BNC2: variants seen among roughly 807,000 people sequenced by gnomAD.
The protein encoded by BNC2 is basonuclin zinc finger protein 2, also known as zinc finger protein basonuclin-2.
In BNC2, 20 loss-of-function variants were observed where a neutral mutation model predicts 76.3. The observed-to-expected ratio is 0.26, with a 90% CI of 0.18 to 0.38. The LOEUF (loss-of-function observed/expected upper bound fraction) is 0.38. Ranked by LOEUF, BNC2 falls within the 10% of genes least tolerant of loss-of-function variation. The pLI is 1.00. For synonymous variants in BNC2, 582 were observed against 514.8 expected (o/e 1.13, Z -1.77); for missense variants, 1,382 against 1,399.8 (o/e 0.99, Z 0.20).
chr9:16,571,520 C>A (rs1819323191), intron 4 of BNC2, among the ~76,000 whole-genome samples: 1 of 152,108 alleles, frequency 6.6e-6, no homozygotes, highest in South Asian at 2.1e-4. Flanking sequence ...TTGCTGCCTG[C>A]AGTTTTTTTC....
chr9:16,676,360 C>CA (rs1822642736), intron 3 of BNC2, among the ~76,000 whole-genome samples: 6 of 152,196 alleles, frequency 3.9e-5, no homozygotes, highest in Admixed American at 3.9e-4. Context: ...CACCCAAACA[C>CA]AAACGCGTAA....
chr9:16,667,963 G>T (rs1028543208), intron 3 of BNC2, among the ~76,000 whole-genome samples: 2 of 152,112 alleles, frequency 1.3e-5, no homozygotes, highest in Admixed American at 6.5e-5. Context: ...TGTCCTCTGT[G>T]ATTCCATGGC....
intron 1 of BNC2, among the ~76,000 whole-genome samples, chr9:16,788,523 A>AG (rs1826372464): frequency 7.1e-6 from 1 of 141,602 alleles, no homozygotes; most frequent in African/African-American, 2.7e-5. Flanking sequence ...ACTGCACTCC[A>AG]CCCTGGGCGA....
At chr9:16,443,064 CAAAAAAA>C (rs908689709) in intron 5 of BNC2, among the ~76,000 whole-genome samples, 34 of 63,672 alleles carry the variant, frequency 5.3e-4, no homozygotes, top group Admixed American at 1.3e-3. Context: ...GAGACTCTGT[CAAAAAAA>C]AAAAAAAAAA....
At chr9:16,512,044 G>A (rs10962468) in intron 5 of BNC2, among the ~76,000 whole-genome samples, 9,683 of 152,136 alleles carry the variant, frequency 0.064, 495 homozygotes, top group East Asian at 0.27. Context: ...TGAATCAAGC[G>A]ATTAATCTAT....
chr9:16,564,384 A>C (rs1309352836), intron 4 of BNC2, among the ~76,000 whole-genome samples: 1 of 152,184 alleles, frequency 6.6e-6, no homozygotes, highest in Non-Finnish European at 1.5e-5. Context: ...TAGGAGGAAA[A>C]ACAGATGCTT....
At chr9:16,855,713 A>G (rs1819237765) in intron 1 of BNC2, among the ~76,000 whole-genome samples, 1 of 136,396 alleles carries the variant, frequency 7.3e-6, no homozygotes, top group Admixed American at 7.5e-5. Flanking sequence ...GATTTCTTGT[A>G]TTTTTTTTTT....
At chr9:16,557,873 T>G (rs559560966) in intron 4 of BNC2, among the ~76,000 whole-genome samples, 113 of 152,080 alleles carry the variant, frequency 7.4e-4, no homozygotes, top group African/African-American at 2.5e-3. Context: ...TTGTTTGTTT[T>G]TTTTTGAGAC....
At chr9:16,734,511 C>T (rs1409474843) in intron 2 of BNC2, among the ~76,000 whole-genome samples, 1 of 152,122 alleles carries the variant, frequency 6.6e-6, no homozygotes, top group Non-Finnish European at 1.5e-5. Flanking sequence ...TCTACCTTCT[C>T]CAGATGGTTC....
In BNC2 at chr9:16,737,238, CTTTT is replaced by C. The variant is rs559930240; in HGVS notation, c.129+1118_129+1121del. ...TCCCACCTCAGCCACCACACCTGGC[CTTTT>C]TTTTTTTTTTTTTTTTTTTTCTTTT... On this transcript the variant is annotated intron_variant, in intron 2 of 6. Transcript: ENST00000380672. 6.0e-3 allele frequency among the ~76,000 whole-genome samples: 550 copies of C among 91,340 alleles called. 1 individual carries two copies. Among genetic ancestry groups the C allele is most frequent in the East Asian group, 0.014 (39 of 2,822 alleles). The allele number at this position is 91,340 out of a possible 152,430, so 59.9% of individuals were successfully genotyped here. A position where few individuals can be genotyped will look rare whatever the true frequency, so the allele number is the denominator to read the frequency against.
intron 4 of BNC2, among the ~76,000 whole-genome samples, chr9:16,567,367 T>C (rs543163181): frequency 6.3e-4 from 96 of 152,320 alleles, no homozygotes; most frequent in African/African-American, 2.1e-3. Context: ...AACAAAGTAA[T>C]GTCCTTTATA....
intron 4 of BNC2, among the ~76,000 whole-genome samples, chr9:16,555,531 TCACACCTGTAATCCCAGC>T (rs1818803030): frequency 1.3e-5 from 2 of 152,138 alleles, no homozygotes; most frequent in African/African-American, 4.8e-5. Flanking sequence ...GCAAGGTGGC[TCACACCTGTAATCCCAGC>T]ACTTTGGGAG....
At chr9:16,546,931 A>G (rs932510164) in intron 5 of BNC2, among the ~76,000 whole-genome samples, 2 of 152,262 alleles carry the variant, frequency 1.3e-5, no homozygotes, top group Admixed American at 1.3e-4. Flanking sequence ...AATATTTAAT[A>G]CACCCTTTTA....
At chr9:16,856,992 T>C (rs915484391) in intron 1 of BNC2, among the ~76,000 whole-genome samples, 24 of 152,278 alleles carry the variant, frequency 1.6e-4, no homozygotes, top group African/African-American at 5.3e-4. Flanking sequence ...TGCCAAATAA[T>C]AGCATATATG....
intron 3 of BNC2, among the ~76,000 whole-genome samples, chr9:16,643,269 G>A (rs1821538773): frequency 1.4e-5 from 2 of 147,246 alleles, no homozygotes; most frequent in Non-Finnish European, 3.0e-5. Flanking sequence ...TCACGACAAT[G>A]CACTCCAGCC....
chr9:16,865,164 G>T (rs886623462), intron 1 of BNC2, among the ~76,000 whole-genome samples: 1 of 151,662 alleles, frequency 6.6e-6, no homozygotes, highest in African/African-American at 2.4e-5. Context: ...AAAAAAGCAG[G>T]GACTATGAAC....
chr9:16,551,162 C>A (rs1308065640), intron 5 of BNC2, among the ~76,000 whole-genome samples: 1 of 152,154 alleles, frequency 6.6e-6, no homozygotes, highest in East Asian at 1.9e-4. Context: ...TATATAATTG[C>A]TACTATTATC....
intron 5 of BNC2, among the ~76,000 whole-genome samples, chr9:16,471,506 C>A (rs768383259): frequency 9.9e-5 from 15 of 152,064 alleles, no homozygotes; most frequent in Admixed American, 5.9e-4. Flanking sequence ...GTTGGCCAGG[C>A]TGGTCTCAAA....
chr9:16,852,390 G>T (rs970047127), intron 1 of BNC2, among the ~76,000 whole-genome samples: 1 of 152,172 alleles, frequency 6.6e-6, no homozygotes, highest in African/African-American at 2.4e-5. Flanking sequence ...AAGTTCAGCA[G>T]CAGATGCCAA....
Sources: gnomAD v4.1 joint callset for allele counts (sites outside exome capture counted in the v4.1 genomes callset) on GRCh38, gnomAD v4.1.1 for gene constraint, MANE v1.5 for transcripts, NCBI Gene and HGNC (gene_info 2026-07-23, HGNC 2026-07-21) for gene names.